Variants in RTRAF observed in about 807,000 individuals in gnomAD.
The protein encoded by RTRAF is tRNA-splicing ligase complex subunit RTRAF.
Under a neutral mutation model 34.4 loss-of-function variants are expected in RTRAF, and 14 were observed. The observed-to-expected ratio is 0.41, with a 90% CI of 0.27 to 0.64. The LOEUF is 0.64. Among genes scored for constraint, RTRAF ranks in the 30% least tolerant of loss-of-function variants. The pLI is 0.34. For synonymous variants in RTRAF, 96 were observed against 95.3 expected (o/e 1.01, Z -0.04); for missense variants, 291 against 288.4 (o/e 1.01, Z -0.06).
intron 2 of RTRAF, among the ~76,000 whole-genome samples, chr14:51,992,114 A>G (rs925701043): frequency 1.3e-5 from 2 of 152,224 alleles, no homozygotes; most frequent in East Asian, 1.9e-4. Flanking sequence ...TAGTCCTTAA[A>G]TGATCTCTGG....
At position 52,006,305 on chromosome 14, in the gene RTRAF, C is replaced by A; in HGVS notation, c.*1789C>A. 2.1e-6 allele frequency: 1 copy of A among 482,942 alleles called. No homozygotes were observed. Among genetic ancestry groups the A allele is most frequent in the South Asian group, 2.5e-5 (1 of 39,494 alleles). The allele number at this position is 482,942 out of a possible 1,614,324, so 29.9% of individuals were successfully genotyped here. A position where few individuals can be genotyped will look rare whatever the true frequency, so the allele number is the denominator to read the frequency against. ...TCCAATAGCTTTGCTACTTTTTAAG[C>A]TATATGTGAGCAATACCATTCGATT... On this transcript the variant is annotated 3_prime_UTR_variant, in exon 8 of 8. Coordinates refer to ENST00000261700, the MANE Select transcript of RTRAF (RefSeq NM_016039.3).
At chr14:51,992,927 G>T (rs147267061) in intron 2 of RTRAF, among the ~76,000 whole-genome samples, 1 of 152,144 alleles carries the variant, frequency 6.6e-6, no homozygotes, top group East Asian at 1.9e-4. Flanking sequence ...CTGCCCAGGG[G>T]GCTGAGCCAG....
At chr14:51,993,992 T>C (rs548045199) in intron 3 of RTRAF, among the ~76,000 whole-genome samples, 170 bp downstream of exon 3, 30 of 152,370 alleles carry the variant, frequency 2.0e-4, no homozygotes, top group African/African-American at 6.7e-4. Flanking sequence ...TTTATATATT[T>C]CTGTTAGAAT....
In RTRAF at chr14:52,001,870, C is replaced by G. The variant is rs372766786; in HGVS notation, c.531+4C>G. ...TAAGGCAAATCAAACAAAAGAGGTA[C>G]GTTTCTATAAATCCTAAATAAGTTG... On this transcript the variant is annotated splice_donor_region_variant and intron_variant, in intron 6 of 7. Transcript: ENST00000261700. The G allele has an allele frequency of 2.5e-6, 4 of 1,605,670 alleles. No homozygotes were observed. The highest frequency in any genetic ancestry group is 1.7e-4 in the Middle Eastern group (1 of 6,024).
chr14:52,008,027 C>G lies in RTRAF; in HGVS notation c.*3511C>G. 7.2e-7 allele frequency: 1 copy of G among 1,390,602 alleles called. No homozygotes were observed. Among genetic ancestry groups the G allele is most frequent in the Non-Finnish European group, 9.9e-7 (1 of 1,011,696 alleles). 86.1% of individuals were successfully genotyped at this position (1,390,602 alleles called of 1,614,324 possible). On this transcript the variant is annotated 3_prime_UTR_variant, in exon 8 of 8. Transcript: ENST00000261700. Reference sequence around the variant, plus strand: ...CCATGTAGCCTGTGGTAGGCAGCATCTAAGCAGCCCCCAGTGATCTCCATC... The same window carrying G: ...CCATGTAGCCTGTGGTAGGCAGCATGTAAGCAGCCCCCAGTGATCTCCATC...
chr14:52,005,406 T>C lies in RTRAF; in HGVS notation c.*890T>C. On this transcript the variant is annotated 3_prime_UTR_variant, in exon 8 of 8. Transcript: ENST00000261700. ...GTCTAATGGCCAATTCCTTTTTTAC[T>C]TTCTTTGCCTTTGCAGTCACTGTTC... 7.3e-7 allele frequency: 1 copy of C among 1,372,524 alleles called. No individual in the cohort carries two copies. Among genetic ancestry groups the C allele is most frequent in the Non-Finnish European group, 9.7e-7 (1 of 1,027,792 alleles). 85.0% of individuals were successfully genotyped at this position (1,372,524 alleles called of 1,614,324 possible). A position where few individuals can be genotyped will look rare whatever the true frequency, so the allele number is the denominator to read the frequency against.
At chr14:52,002,033 T>C (rs1253778239) in intron 6 of RTRAF, 167 bp downstream of exon 6, 1 of 616,720 alleles carries the variant, frequency 1.6e-6, no homozygotes, top group Non-Finnish European at 2.7e-6. Context: ...ATGTATTCAG[T>C]GGCTAGGGGG....
chr14:52,003,132 G>A (rs1341620576), intron 6 of RTRAF, among the ~76,000 whole-genome samples: 1 of 152,010 alleles, frequency 6.6e-6, no homozygotes, highest in Non-Finnish European at 1.5e-5. Context: ...TTTAATTTTG[G>A]TGTCATCTCA....
chr14:52,006,633 G>GGTA lies in RTRAF; in HGVS notation c.*2120_*2122dup. The GGTA allele has an allele frequency of 1.2e-6, 2 of 1,613,806 alleles. No individual in the cohort carries two copies. The highest frequency in any genetic ancestry group is 1.7e-6 in the Non-Finnish European group (2 of 1,179,738). On this transcript the variant is annotated 3_prime_UTR_variant, in exon 8 of 8. Transcript: ENST00000261700. ...AATGACACGCCGTCCAGTTCCATCA[G>GGTA]GTAGTGTACACTCCAGTTTTTTGGT...
intron 3 of RTRAF, among the ~76,000 whole-genome samples, chr14:51,997,506 T>G (rs1488706889): frequency 6.6e-6 from 1 of 151,980 alleles, no homozygotes; most frequent in African/African-American, 2.4e-5. Flanking sequence ...TTTTATTTTT[T>G]CCTCGTTTCA....
intron 3 of RTRAF, among the ~76,000 whole-genome samples, chr14:51,994,825 T>C (rs2140327862): frequency 6.6e-6 from 1 of 152,300 alleles, no homozygotes; most frequent in Non-Finnish European, 1.5e-5. Flanking sequence ...TATTCACATC[T>C]TGACATCCCA....
chr14:52,000,775 A>G (rs1008018260), intron 5 of RTRAF, among the ~76,000 whole-genome samples: 7 of 152,192 alleles, frequency 4.6e-5, no homozygotes, highest in Non-Finnish European at 8.8e-5. Flanking sequence ...TATTCCGACA[A>G]TTATGTAAAT....
chr14:52,003,842 C>T (rs1047521947), intron 6 of RTRAF, among the ~76,000 whole-genome samples: 4 of 152,142 alleles, frequency 2.6e-5, no homozygotes, highest in Admixed American at 6.5e-5. Context: ...TGCTTACTGT[C>T]GCCAAAATAA....
chr14:51,995,630 A>G (rs770667666), intron 3 of RTRAF, among the ~76,000 whole-genome samples: 30 of 152,130 alleles, frequency 2.0e-4, no homozygotes, highest in Non-Finnish European at 4.1e-4. Context: ...CTTGCACACA[A>G]CAGGTGCTTA....
chr14:51,989,632 C>A lies in RTRAF; in HGVS notation c.-8C>A, dbSNP rs763217896. On this transcript the variant is annotated 5_prime_UTR_variant, in exon 1 of 8. Coordinates refer to ENST00000261700, the MANE Select transcript of RTRAF (RefSeq NM_016039.3). Reference sequence around the variant, plus strand: ...AGGCCCGGGGGACCAGAGCGAGAAGCGGGGACCATGTTCCGACGCAAGTTG... The same window carrying A: ...AGGCCCGGGGGACCAGAGCGAGAAGAGGGGACCATGTTCCGACGCAAGTTG... The A allele has an allele frequency of 2.4e-5, 39 of 1,600,816 alleles. No individual in the cohort carries two copies. Among genetic ancestry groups the A allele is most frequent in the Non-Finnish European group, 6.8e-6 (8 of 1,174,272 alleles).
intron 1 of RTRAF, among the ~76,000 whole-genome samples, chr14:51,989,997 A>G (rs1300355081): frequency 6.6e-6 from 1 of 152,160 alleles, no homozygotes; most frequent in African/African-American, 2.4e-5. Flanking sequence ...TTTCTCACTC[A>G]CTATTCAACT....
Position 51,999,885 on chromosome 14 carries a change from T to G in RTRAF, c.462+89T>G, listed in dbSNP as rs1890575185. On this transcript the variant is annotated intron_variant, in intron 5 of 7. Coordinates refer to ENST00000261700, the MANE Select transcript of RTRAF (RefSeq NM_016039.3). ...AAATATTAACTATTGATATTAAAAT[T>G]ATGGTTGAATGACTAAAATACACAG... The G allele has an allele frequency of 1.4e-5, 12 of 876,708 alleles. No homozygotes were observed. In the East Asian group the frequency reaches 3.2e-4, roughly 23 times the overall value. 54.3% of individuals were successfully genotyped at this position (876,708 alleles called of 1,614,324 possible). A position where few individuals can be genotyped will look rare whatever the true frequency, so the allele number is the denominator to read the frequency against.
At chr14:51,997,208 G>T (rs1041972327) in intron 3 of RTRAF, among the ~76,000 whole-genome samples, 1 of 151,970 alleles carries the variant, frequency 6.6e-6, no homozygotes, top group African/African-American at 2.4e-5. Context: ...TGCGCCTCAA[G>T]TTTCCCCCAC....
rs748561893 is a variant in RTRAF, at chr14:52,007,814, A to G, written c.*3298A>G. 1 of 1,613,658 alleles carries G rather than the reference A, an allele frequency of 6.2e-7. No individual in the cohort carries two copies. The highest frequency in any genetic ancestry group is 8.5e-7 in the Non-Finnish European group (1 of 1,179,758). ...GCATTCCATCAGTAGTATTACCTGCATCTGCCCAGCAGAGCAGTTTAGAGA... is the reference window on the plus strand; with the variant it reads ...GCATTCCATCAGTAGTATTACCTGCGTCTGCCCAGCAGAGCAGTTTAGAGA... On this transcript the variant is annotated 3_prime_UTR_variant, in exon 8 of 8. Transcript: ENST00000261700.
Sources: gnomAD v4.1 joint callset for allele counts (sites outside exome capture counted in the v4.1 genomes callset) on GRCh38, gnomAD v4.1.1 for gene constraint, MANE v1.5 for transcripts, NCBI Gene and HGNC (gene_info 2026-07-23, HGNC 2026-07-21) for gene names.